WWOX: variants seen among roughly 807,000 people sequenced by gnomAD.
WWOX encodes the protein WW domain containing oxidoreductase, also known as WW domain-containing oxidoreductase.
In WWOX, 69 loss-of-function variants were observed where a neutral mutation model predicts 46.2. That is an observed-to-expected ratio of 1.49 (90% CI 1.23 to 1.82). The LOEUF (loss-of-function observed/expected upper bound fraction) is 1.82, where lower values mean the gene tolerates loss of function less well. Ranked by LOEUF, WWOX falls within the 40% of genes most tolerant of loss-of-function variation. The probability of loss-of-function intolerance (pLI) is 0.00; values close to 1 mark genes in which losing one functional copy is unlikely to be tolerated. For missense variants in WWOX, 919 were observed against 542.6 expected, an observed-to-expected ratio of 1.69 and a Z score of -6.89; for synonymous variants, 359 against 202.6, an observed-to-expected ratio of 1.77 and a Z score of -6.56.
intron 6 of WWOX, among the ~76,000 whole-genome samples, chr16:78,422,734 CACACATATATAT>C (rs2082969548): frequency 1.2e-5 from 1 of 86,024 alleles, no homozygotes; most frequent in South Asian, 4.3e-4. Context: ...TATATATACA[CACACATATATAT>C]ACACATATAT....
intron 8 of WWOX, among the ~76,000 whole-genome samples, chr16:78,519,254 G>C (rs374080074): frequency 1.8e-4 from 28 of 152,168 alleles, no homozygotes; most frequent in African/African-American, 6.5e-4. Context: ...AAGGACTTGC[G>C]GAGTGCCTAG....
At chr16:79,189,244 C>T (rs979693727) in intron 8 of WWOX, among the ~76,000 whole-genome samples, 6 of 151,786 alleles carry the variant, frequency 4.0e-5, no homozygotes, top group African/African-American at 1.5e-4. Context: ...TTAGGAAAGC[C>T]TATTTCTTTT....
chr16:79,182,324 G>A (rs4888014), intron 8 of WWOX, among the ~76,000 whole-genome samples: 42,067 of 151,858 alleles, frequency 0.28, 6,360 homozygotes, highest in South Asian at 0.54. Flanking sequence ...TCATCAAAAC[G>A]ACCGGAAATG....
chr16:78,818,263 G>C (rs548980413), intron 8 of WWOX, among the ~76,000 whole-genome samples: 1 of 152,200 alleles, frequency 6.6e-6, no homozygotes, highest in Non-Finnish European at 1.5e-5. Flanking sequence ...CTGCACATCA[G>C]AGCCCATCTA....
intron 5 of WWOX, among the ~76,000 whole-genome samples, chr16:78,221,395 T>G (rs2036884164): frequency 6.6e-6 from 1 of 152,214 alleles, no homozygotes; most frequent in Non-Finnish European, 1.5e-5. Context: ...TCTAGCTTTC[T>G]TGTGTTATGT....
intron 5 of WWOX, among the ~76,000 whole-genome samples, chr16:78,273,422 C>T (rs118059067): frequency 1.3e-5 from 2 of 152,158 alleles, no homozygotes; most frequent in Non-Finnish European, 2.9e-5. Context: ...AGCCTGACCT[C>T]CACGGTACCA....
At chr16:79,019,893 T>C (rs1022959154) in intron 8 of WWOX, among the ~76,000 whole-genome samples, 2 of 152,176 alleles carry the variant, frequency 1.3e-5, no homozygotes, top group Non-Finnish European at 2.9e-5. Context: ...AATGTTCTTT[T>C]CCCTCTAATG....
intron 5 of WWOX, among the ~76,000 whole-genome samples, chr16:78,376,169 C>T (rs941880036): frequency 6.6e-6 from 1 of 152,084 alleles, no homozygotes; most frequent in Non-Finnish European, 1.5e-5. Flanking sequence ...AGATACTACC[C>T]AGGAATTTTC....
At chr16:78,581,377 G>T (rs899442449) in intron 8 of WWOX, among the ~76,000 whole-genome samples, 1 of 152,110 alleles carries the variant, frequency 6.6e-6, no homozygotes, top group Non-Finnish European at 1.5e-5. Flanking sequence ...CATATGAATA[G>T]ATAATACAGA....
chr16:78,578,086 G>A (rs998695305), intron 8 of WWOX, among the ~76,000 whole-genome samples: 2 of 151,276 alleles, frequency 1.3e-5, no homozygotes, highest in Admixed American at 6.6e-5. Flanking sequence ...ACCTGCTTCC[G>A]AAAGTACTTA....
At position 78,437,589 on chromosome 16, in the gene WWOX, C is replaced by T. The variant is rs536796179; in HGVS notation, c.1056+4837C>T. On this transcript the variant is annotated intron_variant, in intron 8 of 8. Coordinates refer to ENST00000566780, the MANE Select transcript of WWOX (RefSeq NM_016373.4). ...TCTGCCTCCCTCTTCTTCTTCAGAT[C>T]CAGAGAACTGGACAAGTGTATTGGG... Among the ~76,000 whole-genome samples the T allele has an allele frequency of 4.6e-5, 7 of 152,258 alleles. No homozygotes were observed. In the East Asian group the frequency reaches 7.7e-4, roughly 17 times the overall value.
At chr16:78,541,844 C>G (rs1418751766) in intron 8 of WWOX, among the ~76,000 whole-genome samples, 3 of 151,880 alleles carry the variant, frequency 2.0e-5, no homozygotes, top group African/African-American at 7.3e-5. Flanking sequence ...TTCTGGTTTT[C>G]TGATTTTTGT....
chr16:78,194,359 G>A (rs535365705), intron 5 of WWOX, among the ~76,000 whole-genome samples: 9 of 151,546 alleles, frequency 5.9e-5, no homozygotes, highest in East Asian at 4.0e-4. Context: ...AGGCCGAGGC[G>A]GGTGGATCAC....
At chr16:79,138,602 G>C (rs150708270) in intron 8 of WWOX, among the ~76,000 whole-genome samples, 75 of 152,332 alleles carry the variant, frequency 4.9e-4, no homozygotes, top group African/African-American at 1.8e-3. Context: ...GGGCAAGTAA[G>C]TTTACCTGTG....
At chr16:79,134,433 G>T (rs7192623) in intron 8 of WWOX, among the ~76,000 whole-genome samples, 3 of 152,160 alleles carry the variant, frequency 2.0e-5, no homozygotes, top group Non-Finnish European at 2.9e-5. Context: ...AGGGACTGAA[G>T]TTATACAGGG....
At position 78,443,060 on chromosome 16, in the gene WWOX, C is replaced by A. The variant is rs533883268; in HGVS notation, c.1056+10308C>A. On this transcript the variant is annotated intron_variant, in intron 8 of 8. Coordinates refer to ENST00000566780, the MANE Select transcript of WWOX (RefSeq NM_016373.4). The stretch of plus-strand genomic sequence containing the variant: ...CTAAGGCAGGAGAATGGCGTGAACC[C>A]GGGAGGTGGAGGTTGCAGTGAGCCA... Among the ~76,000 whole-genome samples the A allele has an allele frequency of 3.2e-4, 46 of 141,984 alleles. No homozygotes were observed. The South Asian group carries it at 0.01, about 32-fold the overall frequency. The allele number at this position is 141,984 out of a possible 152,430, so 93.1% of individuals were successfully genotyped here.
chr16:78,123,428 G>GTTTTTTTTTTTTTT (rs1330107026), intron 4 of WWOX: 1 of 61,080 alleles, frequency 1.6e-5, no homozygotes, highest in Non-Finnish European at 3.6e-5. Flanking sequence ...TTTTTTCTTT[G>GTTTTTTTTTTTTTT]TTTTTTGTTT....
At chr16:79,106,689 C>T (rs2150644982) in intron 8 of WWOX, 1 of 136,292 alleles carries the variant, frequency 7.3e-6, no homozygotes, top group East Asian at 2.3e-4. Context: ...TGACCTCAAA[C>T]TCTTGGGCTC....
intron 8 of WWOX, among the ~76,000 whole-genome samples, chr16:78,738,575 T>G (rs1222210033): frequency 6.6e-6 from 1 of 152,114 alleles, no homozygotes; most frequent in Non-Finnish European, 1.5e-5. Context: ...GCAAGTTTGT[T>G]CAAAACAACT....
Sources: gnomAD v4.1 joint callset for allele counts (sites outside exome capture counted in the v4.1 genomes callset) on GRCh38, gnomAD v4.1.1 for gene constraint, MANE v1.5 for transcripts, NCBI Gene and HGNC (gene_info 2026-07-23, HGNC 2026-07-21) for gene names.